SH3BP4: variants seen among roughly 807,000 people sequenced by gnomAD.
The protein encoded by SH3BP4 is SH3 domain binding protein 4.
In SH3BP4, 33 loss-of-function variants were observed where a neutral mutation model predicts 65.5. That is an observed-to-expected ratio of 0.50 (90% CI 0.38 to 0.67). The LOEUF (loss-of-function observed/expected upper bound fraction) is 0.67. Ranked by LOEUF, SH3BP4 falls within the 30% of genes least tolerant of loss-of-function variation. SH3BP4 has a pLI of 0.00. For missense variants in SH3BP4, 1,134 were observed against 1,261.4 expected (o/e 0.90, Z 1.53); for synonymous variants, 552 against 545.5 (o/e 1.01, Z -0.17).
chr2:234,960,142 A>G (rs1402825069), intron 1 of SH3BP4, among the ~76,000 whole-genome samples: 4 of 152,184 alleles, frequency 2.6e-5, no homozygotes, highest in African/African-American at 9.6e-5. Flanking sequence ...GAAAATAATG[A>G]TTGGAGCTGA....
At chr2:235,029,833 C>T (rs928002666) in intron 2 of SH3BP4, among the ~76,000 whole-genome samples, 1 of 152,174 alleles carries the variant, frequency 6.6e-6, no homozygotes, top group African/African-American at 2.4e-5. Flanking sequence ...GCTACCTGTG[C>T]TCCACAGTCC....
chr2:235,028,332 G>A (rs1269051333), intron 2 of SH3BP4, among the ~76,000 whole-genome samples: 1 of 152,208 alleles, frequency 6.6e-6, no homozygotes, highest in African/African-American at 2.4e-5. Flanking sequence ...CTGCTGAGTA[G>A]ACGGTGGTCA....
In SH3BP4 at chr2:234,976,396, C is replaced by G. The variant is rs1397050160; in HGVS notation, c.-206-18907C>G. Reference sequence around the variant, plus strand: ...TTGACCTTATAGTCAACTGATAGTTCTGAGTAGTTAAGTTAGATCCTTAGG... The same window carrying G: ...TTGACCTTATAGTCAACTGATAGTTGTGAGTAGTTAAGTTAGATCCTTAGG... On this transcript the variant is annotated intron_variant, in intron 1 of 5. Coordinates refer to ENST00000392011, the MANE Select transcript of SH3BP4 (RefSeq NM_014521.3). The surrounding 1 kb of genome is among the most constrained non-coding windows in gnomAD (Gnocchi z 4.7). Among the ~76,000 whole-genome samples, 1 of 152,132 alleles carries G rather than the reference C, an allele frequency of 6.6e-6. No individual in the cohort carries two copies. Among genetic ancestry groups the G allele is most frequent in the Non-Finnish European group, 1.5e-5 (1 of 68,032 alleles).
rs1164899715 is a variant in SH3BP4, at chr2:234,952,017, A to C, written c.-360A>C. The C allele has an allele frequency of 1.5e-5, 2 of 137,708 alleles. No homozygotes were observed. The highest frequency in any genetic ancestry group is 5.4e-5 in the African/African-American group (2 of 36,838). The allele number at this position is 137,708 out of a possible 1,614,324, so 8.5% of individuals were successfully genotyped here. A position where few individuals can be genotyped will look rare whatever the true frequency, so the allele number is the denominator to read the frequency against. Reference sequence around the variant, plus strand: ...CCTCCGCCCGCCGAGGCGGGGGCCCAGCGCGCCCGGCACTCTCGGCGGTCC... The same window carrying C: ...CCTCCGCCCGCCGAGGCGGGGGCCCCGCGCGCCCGGCACTCTCGGCGGTCC... On this transcript the variant is annotated 5_prime_UTR_variant, in exon 1 of 6. Transcript: ENST00000392011. This position sits in a 1 kb window ranked among gnomAD's most constrained non-coding sequence, Gnocchi z 6.5.
At position 235,043,241 on chromosome 2, in the gene SH3BP4, T is replaced by G. The variant is rs775590111; in HGVS notation, c.2472T>G (p.Leu824=). 6.4e-7 allele frequency: 1 copy of G among 1,567,290 alleles called. No individual in the cohort carries two copies. The highest frequency in any genetic ancestry group is 1.4e-5 in the African/African-American group (1 of 73,782). The change falls in exon 4 of 6, where the codon CTT becomes CTG. Residue 824 remains leucine, a synonymous_variant. Coordinates refer to ENST00000392011, the MANE Select transcript of SH3BP4 (RefSeq NM_014521.3). Reference sequence around the variant, plus strand: ...AACGGAAGTCCTTCCAGAAGGAGCTTGTGATGGTGAGTGCTCAGCAGGTGC... The same window carrying G: ...AACGGAAGTCCTTCCAGAAGGAGCTGGTGATGGTGAGTGCTCAGCAGGTGC... ...NKERKSFQKE[L]VMALLKMDCQ...
chr2:235,004,002 A>AC (rs1413980067), intron 2 of SH3BP4, among the ~76,000 whole-genome samples: 1 of 151,932 alleles, frequency 6.6e-6, no homozygotes, highest in Non-Finnish European at 1.5e-5. Context: ...CCCCGTTAGC[A>AC]CCCCAACTGC....
rs1694703776 is a variant in SH3BP4, at chr2:235,017,014, C to T, written c.-132-17857C>T. Among the ~76,000 whole-genome samples, 4 of 146,972 alleles carry T rather than the reference C, an allele frequency of 2.7e-5. No individual in the cohort carries two copies. The South Asian group carries it at 8.7e-4, about 32-fold the overall frequency. On this transcript the variant is annotated intron_variant, in intron 2 of 5. Transcript: ENST00000392011. ...GCAACAACATAAATCACCCAGATCT[C>T]ACTTTCGGCAGCGAGTTTCTGTTTG...
intron 2 of SH3BP4, among the ~76,000 whole-genome samples, chr2:235,005,653 G>T (rs1277107387): frequency 1.3e-5 from 2 of 152,320 alleles, no homozygotes; most frequent in South Asian, 2.1e-4. Context: ...GCTTCCTCGT[G>T]TCCAGGCTAC....
intron 1 of SH3BP4, among the ~76,000 whole-genome samples, chr2:234,959,325 C>T (rs1446502877): frequency 1.3e-5 from 2 of 152,160 alleles, no homozygotes; most frequent in Non-Finnish European, 2.9e-5. Context: ...CTGCATCCTC[C>T]ATACACAGGA....
intron 2 of SH3BP4, among the ~76,000 whole-genome samples, chr2:235,032,962 A>T (rs529586092): frequency 2.6e-5 from 4 of 152,296 alleles, no homozygotes; most frequent in African/African-American, 9.6e-5. Context: ...TTTGGGGAGA[A>T]CAGCTTCATT....
rs1693958486 is a variant in SH3BP4, at chr2:234,997,464, GGT to G, written c.-133+2091_-133+2092del. 6.6e-6 allele frequency among the ~76,000 whole-genome samples: 1 copy of G among 152,164 alleles called. No individual in the cohort carries two copies. The highest frequency in any genetic ancestry group is 2.4e-5 in the African/African-American group (1 of 41,446). ...TCAGAGGTAGTTTATCCTGGTGCCTGGTGTCCTTCAGGATGAAGGAGGCAGCA... is the reference window on the plus strand; with the variant it reads ...TCAGAGGTAGTTTATCCTGGTGCCTGGTCCTTCAGGATGAAGGAGGCAGCA... On this transcript the variant is annotated intron_variant, in intron 2 of 5. Transcript: ENST00000392011. The surrounding 1 kb of genome is among the most constrained non-coding windows in gnomAD (Gnocchi z 4.2).
intron 2 of SH3BP4, among the ~76,000 whole-genome samples, chr2:234,996,946 C>T (rs1001563466): frequency 2.6e-5 from 4 of 152,148 alleles, no homozygotes; most frequent in Non-Finnish European, 5.9e-5. Flanking sequence ...CTTTTTCTGA[C>T]CCTGTGCCAG....
intron 2 of SH3BP4, among the ~76,000 whole-genome samples, chr2:235,013,986 A>T (rs545785649): frequency 1.1e-4 from 17 of 152,294 alleles, no homozygotes; most frequent in Admixed American, 9.2e-4. Context: ...TAAACAATGT[A>T]CTTATAGAAT....
Position 235,038,376 on chromosome 2 carries a change from CA to C in SH3BP4, c.119-2511del, listed in dbSNP as rs1695509831. The stretch of plus-strand genomic sequence containing the variant: ...TATATATATATATATAATATATATA[CA>C]TATATATATATATATATATATATAT... On this transcript the variant is annotated intron_variant, in intron 3 of 5. Coordinates refer to ENST00000392011, the MANE Select transcript of SH3BP4 (RefSeq NM_014521.3). Among the ~76,000 whole-genome samples, 2 of 12,362 alleles carry C rather than the reference CA, an allele frequency of 1.6e-4. 1 individual carries two copies. The highest frequency in any genetic ancestry group is 7.2e-4 in the African/African-American group (2 of 2,774). 8.1% of individuals were successfully genotyped at this position (12,362 alleles called of 152,430 possible).
chr2:235,054,973 A>G lies in SH3BP4; in HGVS notation c.*1157A>G, dbSNP rs1394495410. 6.6e-6 allele frequency: 1 copy of G among 152,180 alleles called. No homozygotes were observed. 9.4% of individuals were successfully genotyped at this position (152,180 alleles called of 1,614,324 possible). A position where few individuals can be genotyped will look rare whatever the true frequency, so the allele number is the denominator to read the frequency against. Reference sequence around the variant, plus strand: ...TAGTTTAGATGAAACCATTTTTTGTACAATGTAAAGATCATCTGAGCAAGA... The same window carrying G: ...TAGTTTAGATGAAACCATTTTTTGTGCAATGTAAAGATCATCTGAGCAAGA... On this transcript the variant is annotated 3_prime_UTR_variant, in exon 6 of 6. Transcript: ENST00000392011.
At chr2:234,995,145 G>A (rs1693872275) in intron 1 of SH3BP4, among the ~76,000 whole-genome samples, 158 bp from the exon 2 acceptor site, 1 of 152,240 alleles carries the variant, frequency 6.6e-6, no homozygotes, top group African/African-American at 2.4e-5. Flanking sequence ...GGACCTGGGG[G>A]CCGCGTGGCA....
At chr2:234,982,064 C>CCCGGGTCCATTTGAATAT (rs1693404212) in intron 1 of SH3BP4, among the ~76,000 whole-genome samples, 2 of 152,244 alleles carry the variant, frequency 1.3e-5, no homozygotes, top group South Asian at 4.1e-4. Flanking sequence ...ATGCAGAATA[C>CCCGGGTCCATTTGAATAT]CCGGGTCCAT....
At chr2:235,015,664 T>C (rs558204257) in intron 2 of SH3BP4, among the ~76,000 whole-genome samples, 132 of 151,940 alleles carry the variant, frequency 8.7e-4, no homozygotes, top group African/African-American at 2.9e-3. Context: ...TAGAGGAAGG[T>C]TGGGAAGAAA....
At chr2:234,954,813 G>T (rs1424838894) in intron 1 of SH3BP4, among the ~76,000 whole-genome samples, 1 of 152,102 alleles carries the variant, frequency 6.6e-6, no homozygotes, top group Non-Finnish European at 1.5e-5. Flanking sequence ...CGTGGGAGGT[G>T]TGTGTGCTTT....
Sources: gnomAD v4.1 joint callset for allele counts (sites outside exome capture counted in the v4.1 genomes callset) on GRCh38, gnomAD v4.1.1 for gene constraint, Gnocchi (gnomAD v3.1) non-coding constraint, MANE v1.5 for transcripts, NCBI Gene and HGNC (gene_info 2026-07-23, HGNC 2026-07-21) for gene names.